The following CACNA1E variants were observed in gnomAD, a reference collection of about 807,000 sequenced individuals.
The protein encoded by CACNA1E is voltage-dependent R-type calcium channel subunit alpha-1E.
In CACNA1E, 40 loss-of-function variants were observed where a neutral mutation model predicts 259.2. The ratio of observed to expected loss-of-function variants is 0.15; its 90% CI spans 0.12 to 0.20. The LOEUF (loss-of-function observed/expected upper bound fraction) is 0.20. CACNA1E is among the 10% of genes least tolerant of loss of function. The probability of loss-of-function intolerance (pLI) is 1.00; values close to 1 mark genes in which losing one functional copy is unlikely to be tolerated. For missense variants in CACNA1E, 1,874 were observed against 3,040.1 expected, an observed-to-expected ratio of 0.62 and a Z score of 9.02; for synonymous variants, 1,104 against 1,138.5, an observed-to-expected ratio of 0.97 and a Z score of 0.61.
At chr1:181,786,747 C>A (rs537834617) in intron 43 of CACNA1E, among the ~76,000 whole-genome samples, 1 of 152,256 alleles carries the variant, frequency 6.6e-6, no homozygotes, top group Admixed American at 6.5e-5. Context: ...CTTACAAAAC[C>A]AGGAATCACC....
intron 7 of CACNA1E, among the ~76,000 whole-genome samples, chr1:181,671,717 C>T (rs185496463): frequency 6.6e-6 from 1 of 152,310 alleles, no homozygotes; most frequent in Admixed American, 6.5e-5. Context: ...GATTTACCAA[C>T]CAACTGGGCT....
intron 2 of CACNA1E, among the ~76,000 whole-genome samples, chr1:181,470,648 T>C (rs1426376245): frequency 1.3e-5 from 2 of 152,164 alleles, no homozygotes; most frequent in African/African-American, 4.8e-5. Context: ...GCCATCTTGT[T>C]CCCCATAGCC....
chr1:181,760,648 A>G (rs1371804083), intron 32 of CACNA1E, among the ~76,000 whole-genome samples: 1 of 152,244 alleles, frequency 6.6e-6, no homozygotes, highest in Non-Finnish European at 1.5e-5. Flanking sequence ...TTCTCTCCAT[A>G]ACAATATATT....
chr1:181,744,615 G>C (rs73045115), intron 25 of CACNA1E, among the ~76,000 whole-genome samples: 2,232 of 152,300 alleles, frequency 0.015, 45 homozygotes, highest in African/African-American at 0.047. Flanking sequence ...CTACCTGCCT[G>C]TGTCTGAGGC....
At chr1:181,453,121 C>T (rs1330234607) in intron 2 of CACNA1E, among the ~76,000 whole-genome samples, 2 of 152,198 alleles carry the variant, frequency 1.3e-5, no homozygotes, top group South Asian at 2.1e-4. Flanking sequence ...AGAAATTGTA[C>T]GTTCATTAAA....
chr1:181,390,379 T>G (rs1656175675), intron 1 of CACNA1E, among the ~76,000 whole-genome samples: 2 of 152,048 alleles, frequency 1.3e-5, no homozygotes, highest in Non-Finnish European at 2.9e-5. Context: ...AGAGAACCTG[T>G]AAAAGGAGAG....
intron 1 of CACNA1E, among the ~76,000 whole-genome samples, chr1:181,487,330 G>A (rs1390726536): frequency 6.6e-6 from 1 of 152,098 alleles, no homozygotes; most frequent in Non-Finnish European, 1.5e-5. Context: ...GGATCACCCC[G>A]ACTTGGAGGG....
chr1:181,743,129 G>T (rs1434716065), intron 25 of CACNA1E, among the ~76,000 whole-genome samples: 1 of 152,170 alleles, frequency 6.6e-6, no homozygotes, highest in East Asian at 1.9e-4. Context: ...TTTGGCAAAG[G>T]TTGGGTTCAG....
At chr1:181,512,591 A>T (rs1259706709) in intron 3 of CACNA1E, among the ~76,000 whole-genome samples, 3 of 152,234 alleles carry the variant, frequency 2.0e-5, no homozygotes, top group Non-Finnish European at 4.4e-5. Context: ...GAATGATTGC[A>T]TCTATTTGTT....
intron 1 of CACNA1E, among the ~76,000 whole-genome samples, chr1:181,392,239 T>G (rs1230177453): frequency 2.0e-5 from 3 of 152,302 alleles, no homozygotes; most frequent in East Asian, 3.9e-4. Context: ...ATATTTTTCC[T>G]GACGCTCAAC....
intron 1 of CACNA1E, among the ~76,000 whole-genome samples, chr1:181,361,064 C>G (rs541552794): frequency 1.8e-4 from 28 of 152,268 alleles, no homozygotes; most frequent in Middle Eastern, 3.4e-3. Flanking sequence ...CAGGTGGCAT[C>G]TCACCACTCC....
chr1:181,337,159 CTT>C (rs1046173006), intron 1 of CACNA1E, among the ~76,000 whole-genome samples: 13 of 142,722 alleles, frequency 9.1e-5, no homozygotes, highest in Admixed American at 1.4e-4. Context: ...AGAATCTACT[CTT>C]TTTTTTTTTT....
chr1:181,680,842 T>G (rs931428241), intron 7 of CACNA1E, among the ~76,000 whole-genome samples: 1 of 152,152 alleles, frequency 6.6e-6, no homozygotes, highest in East Asian at 1.9e-4. Context: ...GACCACTCCC[T>G]CCCAGCATCA....
At chr1:181,355,000 C>CTGGT (rs1320969906) in intron 1 of CACNA1E, among the ~76,000 whole-genome samples, 16 of 152,246 alleles carry the variant, frequency 1.1e-4, no homozygotes, top group Non-Finnish European at 1.9e-4. Context: ...GCAGAGCCTG[C>CTGGT]TGGTGCCTGC....
At chr1:181,389,802 T>A (rs2102031367) in intron 1 of CACNA1E, among the ~76,000 whole-genome samples, 1 of 152,238 alleles carries the variant, frequency 6.6e-6, no homozygotes, top group East Asian at 1.9e-4. Context: ...AGGAGATCAG[T>A]GCTGATTTAG....
intron 1 of CACNA1E, among the ~76,000 whole-genome samples, chr1:181,491,947 C>G (rs1285500214): frequency 2.0e-5 from 3 of 152,078 alleles, no homozygotes; most frequent in Non-Finnish European, 2.9e-5. Flanking sequence ...GGTGTAGCCC[C>G]AGGGAGGGGA....
At chr1:181,355,612 A>G (rs1653367762) in intron 1 of CACNA1E, among the ~76,000 whole-genome samples, 1 of 151,918 alleles carries the variant, frequency 6.6e-6, no homozygotes, top group Non-Finnish European at 1.5e-5. Context: ...AAAACAAAAC[A>G]AAACAAAACA....
At chr1:181,577,536 G>A (rs773596132) in intron 3 of CACNA1E, among the ~76,000 whole-genome samples, 1 of 152,196 alleles carries the variant, frequency 6.6e-6, no homozygotes, top group East Asian at 1.9e-4. Context: ...TGGAACTAGG[G>A]TTCTGGTATG....
intron 2 of CACNA1E, among the ~76,000 whole-genome samples, chr1:181,437,971 C>G (rs913490289): frequency 6.6e-6 from 1 of 152,216 alleles, no homozygotes; most frequent in Admixed American, 6.5e-5. Context: ...TTCAACTGAA[C>G]AGGTCCAAGG....
Sources: allele counts gnomAD v4.1 joint callset (sites outside exome capture counted in the v4.1 genomes callset), GRCh38; gene constraint gnomAD v4.1.1; transcripts MANE v1.5; gene names NCBI Gene and HGNC (gene_info 2026-07-23, HGNC 2026-07-21).